The following HACD3 variants were observed in gnomAD, a reference collection of about 807,000 sequenced individuals.
HACD3 encodes the protein very-long-chain (3R)-3-hydroxyacyl-CoA dehydratase 3.
In HACD3, 30 loss-of-function variants were observed where a neutral mutation model predicts 55.2. That is an observed-to-expected ratio of 0.54 (90% CI 0.41 to 0.74). HACD3 has a LOEUF of 0.74. Among genes scored for constraint, HACD3 ranks in the 30% least tolerant of loss-of-function variants. HACD3 has a pLI of 0.00. For missense variants in HACD3, 363 were observed against 440.1 expected, an observed-to-expected ratio of 0.82 and a Z score of 1.57; for synonymous variants, 141 against 151.7, an observed-to-expected ratio of 0.93 and a Z score of 0.52.
intron 5 of HACD3, among the ~76,000 whole-genome samples, chr15:65,562,448 G>A (rs560848151): frequency 5.3e-5 from 8 of 152,312 alleles, no homozygotes; most frequent in African/African-American, 1.4e-4. Context: ...AACCGTTGCC[G>A]AAAACCTATA....
At position 65,572,950 on chromosome 15, in the gene HACD3, TA is replaced by T. The variant is rs397959532; in HGVS notation, c.1012+596del. Among the ~76,000 whole-genome samples, 201 of 140,768 alleles carry T rather than the reference TA, an allele frequency of 1.4e-3. 1 individual carries two copies. Among genetic ancestry groups the T allele is most frequent in the Middle Eastern group, 3.6e-3 (1 of 278 alleles). The allele number at this position is 140,768 out of a possible 152,430, so 92.3% of individuals were successfully genotyped here. Reference sequence around the variant, plus strand: ...AAAAAATAAATAAATAAATAAAAATTAAAAAAAAAAAAGTAAGGAGCCTTTT... The same window carrying T: ...AAAAAATAAATAAATAAATAAAAATTAAAAAAAAAAAGTAAGGAGCCTTTT... On this transcript the variant is annotated intron_variant, in intron 10 of 10. Coordinates refer to ENST00000261875, the MANE Select transcript of HACD3 (RefSeq NM_016395.4).
At chr15:65,569,984 T>C in intron 7 of HACD3, 107 bp from the exon 8 acceptor site, 2 of 708,994 alleles carry the variant, frequency 2.8e-6, no homozygotes, top group Non-Finnish European at 2.2e-6. Flanking sequence ...GAGGTCAATC[T>C]TTTCTATTTG....
At chr15:65,551,442 A>G (rs2072131689) in intron 1 of HACD3, among the ~76,000 whole-genome samples, 1 of 152,198 alleles carries the variant, frequency 6.6e-6, no homozygotes, top group Admixed American at 6.5e-5. Flanking sequence ...TTGTTTGCAC[A>G]GTTAGAGCAG....
chr15:65,575,954 C>T (rs994103790), intron 10 of HACD3, among the ~76,000 whole-genome samples: 5 of 152,186 alleles, frequency 3.3e-5, no homozygotes, highest in African/African-American at 1.2e-4. Flanking sequence ...ATTAGCCAGG[C>T]ATGGTGGTGG....
chr15:65,552,814 G>T (rs1371824112), intron 2 of HACD3, among the ~76,000 whole-genome samples: 2 of 151,494 alleles, frequency 1.3e-5, no homozygotes, highest in African/African-American at 4.9e-5. Flanking sequence ...CTAGCATTAG[G>T]TATATCTCCC....
chr15:65,569,241 C>CT (rs1229655966), intron 7 of HACD3, among the ~76,000 whole-genome samples: 3 of 105,894 alleles, frequency 2.8e-5, no homozygotes, highest in Non-Finnish European at 5.2e-5. Flanking sequence ...GAGCGAGACT[C>CT]TGTCTCAAAA....
intron 1 of HACD3, among the ~76,000 whole-genome samples, chr15:65,540,079 C>T (rs962844778): frequency 6.6e-6 from 1 of 151,986 alleles, no homozygotes; most frequent in Non-Finnish European, 1.5e-5. Context: ...AAAATTGAGG[C>T]AAATAAAGCA....
intron 10 of HACD3, among the ~76,000 whole-genome samples, chr15:65,575,143 G>A (rs1329158234): frequency 6.6e-6 from 1 of 150,888 alleles, no homozygotes; most frequent in Non-Finnish European, 1.5e-5. Context: ...TTGAAGCAGT[G>A]TAAACAGCCA....
intron 1 of HACD3, among the ~76,000 whole-genome samples, chr15:65,537,170 T>A (rs1048966137): frequency 6.6e-6 from 1 of 152,132 alleles, no homozygotes; most frequent in Admixed American, 6.5e-5. Flanking sequence ...CAGAAGTTGA[T>A]TCATGAGGCT....
At chr15:65,533,814 G>C (rs2071927254) in intron 1 of HACD3, among the ~76,000 whole-genome samples, 1 of 151,640 alleles carries the variant, frequency 6.6e-6, no homozygotes, top group Non-Finnish European at 1.5e-5. Flanking sequence ...CACTATGGGA[G>C]GCCGAGACGG....
chr15:65,561,502 G>A (rs1021386802), intron 5 of HACD3, among the ~76,000 whole-genome samples: 1 of 151,992 alleles, frequency 6.6e-6, no homozygotes, highest in Non-Finnish European at 1.5e-5. Context: ...CCGGAGCTGA[G>A]GAAATCTTTA....
At chr15:65,568,360 A>G (rs2072313216) in intron 7 of HACD3, among the ~76,000 whole-genome samples, 1 of 151,344 alleles carries the variant, frequency 6.6e-6, no homozygotes, top group South Asian at 2.1e-4. Flanking sequence ...AGTTTATGTT[A>G]TGTGTATTTT....
intron 6 of HACD3, 104 bp from the exon 7 acceptor site, chr15:65,564,111 T>A (rs1342128647): frequency 7.2e-7 from 1 of 1,386,654 alleles, no homozygotes; most frequent in African/African-American, 1.4e-5. Context: ...TGTTTGTTAT[T>A]CCTTTCTTAC....
At chr15:65,572,154 T>G in intron 9 of HACD3, 81 bp from the exon 10 acceptor site, 1 of 1,555,512 alleles carries the variant, frequency 6.4e-7, no homozygotes, top group Non-Finnish European at 8.7e-7. Flanking sequence ...ACTGAAACTT[T>G]AGAGTACTAG....
chr15:65,544,945 C>T (rs946264259), intron 1 of HACD3, among the ~76,000 whole-genome samples: 4 of 151,438 alleles, frequency 2.6e-5, no homozygotes, highest in African/African-American at 4.9e-5. Flanking sequence ...TGCTTGAACC[C>T]GGGAGGCGGA....
At chr15:65,571,521 C>A in intron 8 of HACD3, 27 bp from the exon 9 acceptor site, 1 of 1,563,016 alleles carries the variant, frequency 6.4e-7, no homozygotes, top group Non-Finnish European at 8.8e-7. Context: ...AGTGGCTTTT[C>A]ACATTGGAAT....
Position 65,558,739 on chromosome 15 carries a change from G to T in HACD3, c.421+8G>T. 1 of 1,598,774 alleles carries T rather than the reference G, an allele frequency of 6.3e-7. No homozygotes were observed. Among genetic ancestry groups the T allele is most frequent in the East Asian group, 2.2e-5 (1 of 44,462 alleles). ...GCGAAGGCTCTCCTGAAAGTAAGTTGTGCTGCTGCCATGGTAGTTACCAGT... is the reference window on the plus strand; with the variant it reads ...GCGAAGGCTCTCCTGAAAGTAAGTTTTGCTGCTGCCATGGTAGTTACCAGT... On this transcript the variant is annotated splice_region_variant and intron_variant, in intron 5 of 10. Transcript: ENST00000261875.
intron 1 of HACD3, among the ~76,000 whole-genome samples, chr15:65,550,038 G>T (rs913150438): frequency 2.0e-5 from 3 of 152,150 alleles, no homozygotes; most frequent in Non-Finnish European, 4.4e-5. Flanking sequence ...GAGATAGAAA[G>T]GGCAGTTCAT....
rs371996356 is a variant in HACD3, at chr15:65,575,564, CT to C, written c.1013-738del. Among the ~76,000 whole-genome samples, 1,142 of 152,068 alleles carry C rather than the reference CT, an allele frequency of 7.5e-3. 14 individuals are homozygous for C. Among genetic ancestry groups the C allele is most frequent in the African/African-American group, 0.026 (1,089 of 41,478 alleles). On this transcript the variant is annotated intron_variant, in intron 10 of 10. Coordinates refer to ENST00000261875, the MANE Select transcript of HACD3 (RefSeq NM_016395.4). Reference sequence around the variant, plus strand: ...TTTGTGCATTTCATTGTAAATTTTACTGTAAAAGAAAGAAAGAATATTGAAC... The same window carrying C: ...TTTGTGCATTTCATTGTAAATTTTACGTAAAAGAAAGAAAGAATATTGAAC...
Sources: allele counts gnomAD v4.1 joint callset (sites outside exome capture counted in the v4.1 genomes callset), GRCh38; gene constraint gnomAD v4.1.1; transcripts MANE v1.5; gene names NCBI Gene and HGNC (gene_info 2026-07-23, HGNC 2026-07-21).